PITPNM2: variants seen among roughly 807,000 people sequenced by gnomAD.
The protein encoded by PITPNM2 is phosphatidylinositol transfer protein membrane associated 2, also known as membrane-associated phosphatidylinositol transfer protein 2.
A neutral mutation model predicts 132.2 loss-of-function variants in PITPNM2; 35 were observed. The ratio of observed to expected loss-of-function variants is 0.26; its 90% CI spans 0.20 to 0.35. The LOEUF is 0.35. Among genes scored for constraint, PITPNM2 ranks in the 10% least tolerant of loss-of-function variants. The probability of loss-of-function intolerance (pLI) is 1.00; values close to 1 mark genes in which losing one functional copy is unlikely to be tolerated. For missense variants in PITPNM2, 1,332 were observed against 1,912.0 expected (o/e 0.70, Z 5.66); for synonymous variants, 738 against 799.2 (o/e 0.92, Z 1.29).
intron 3 of PITPNM2, among the ~76,000 whole-genome samples, chr12:123,018,293 CTTTTTTTTT>C (rs3085478): frequency 2.4e-5 from 3 of 126,328 alleles, no homozygotes; most frequent in East Asian, 2.2e-4. Flanking sequence ...TTTTTCTTTT[CTTTTTTTTT>C]TTTTTTTTTT....
intron 4 of PITPNM2, 107 bp downstream of exon 4, chr12:123,013,721 G>T: frequency 7.8e-7 from 1 of 1,283,580 alleles, no homozygotes; most frequent in Non-Finnish European, 1.1e-6. Context: ...ATGGGTTGTT[G>T]AACCTGCTTG....
At chr12:123,133,521 T>C (rs2043308925) in intron 1 of PITPNM2, among the ~76,000 whole-genome samples, 1 of 152,180 alleles carries the variant, frequency 6.6e-6, no homozygotes, top group Admixed American at 6.5e-5. Context: ...GTGAATCTGA[T>C]GCCAATGGAA....
At chr12:123,018,052 C>T (rs1434772011) in intron 3 of PITPNM2, among the ~76,000 whole-genome samples, 3 of 137,480 alleles carry the variant, frequency 2.2e-5, no homozygotes, top group South Asian at 2.4e-4. Flanking sequence ...CCCTCCCTCC[C>T]TCTTTTCTCT....
chr12:122,994,916 C>A lies in PITPNM2; in HGVS notation c.2118G>T (p.Leu706=), dbSNP rs1216603809. 6.2e-7 allele frequency: 1 copy of A among 1,612,036 alleles called. No individual in the cohort carries two copies. Among genetic ancestry groups the A allele is most frequent in the Admixed American group, 1.7e-5 (1 of 59,972 alleles). The change falls in exon 15 of 26, where the codon CTG becomes CTT. Residue 706 remains leucine (L), a synonymous_variant. Coordinates refer to ENST00000320201, the MANE Select transcript of PITPNM2 (RefSeq NM_020845.3). The surrounding 1 kb of genome is among the most constrained non-coding windows in gnomAD (Gnocchi z 5.4). ...ACCTGCCCAGGGCACCTGTGCCATCCAGCATGGTGGAGCTGCTGGAATGGC... is the reference window on the plus strand; with the variant it reads ...ACCTGCCCAGGGCACCTGTGCCATCAAGCATGGTGGAGCTGCTGGAATGGC... ...CSRHSSSSTM[L]DGTGALGRFD...
rs766548511 is a variant in PITPNM2 at position 122,995,504 on chromosome 12, C to T, written c.1939G>A (p.Asp647Asn). Residue 647 changes from aspartate (D) to asparagine (N), a missense_variant, in exon 14 of 26, where the codon GAC (aspartate) becomes AAC (asparagine). Coordinates refer to ENST00000320201, the MANE Select transcript of PITPNM2 (RefSeq NM_020845.3). ...TCAGTGCCGTTGCTGCGGGGGATGT[C>T]GACGTTGCTTCGGCTCAGGTGCCGA... ...SSRHLSRSNV[D>N]IPRSNGTEDP... is the part of the protein sequence containing the mutation. 11 of 1,613,636 alleles carry T rather than the reference C, an allele frequency of 6.8e-6. No homozygotes were observed. The highest frequency in any genetic ancestry group is 3.3e-5 in the Admixed American group (2 of 60,030).
chr12:123,136,890 C>T (rs1456678015), intron 1 of PITPNM2, among the ~76,000 whole-genome samples: 1 of 152,094 alleles, frequency 6.6e-6, no homozygotes, highest in Non-Finnish European at 1.5e-5. Flanking sequence ...GAGACTCCGT[C>T]TCAAAAAAAA....
At chr12:123,030,509 T>C (rs991506800) in intron 3 of PITPNM2, among the ~76,000 whole-genome samples, 8 of 152,068 alleles carry the variant, frequency 5.3e-5, no homozygotes, top group Admixed American at 2.0e-4. Context: ...CTGGCTAACA[T>C]GGTGAAACCC....
At chr12:123,115,539 C>CGCACACACACA (rs2042920182) in intron 1 of PITPNM2, among the ~76,000 whole-genome samples, 1 of 151,934 alleles carries the variant, frequency 6.6e-6, no homozygotes, top group African/African-American at 2.4e-5. Context: ...CAATACGCGC[C>CGCACACACACA]CGCACACACA....
rs1393729273 is a variant in PITPNM2 at position 123,095,574 on chromosome 12, G to A, written c.-96+14811C>T. 6.6e-6 allele frequency among the ~76,000 whole-genome samples: 1 copy of A among 151,936 alleles called. No homozygotes were observed. Among genetic ancestry groups the A allele is most frequent in the African/African-American group, 2.4e-5 (1 of 41,340 alleles). ...CGAAGTGTCTTCCAATACACACATC[G>A]GAGTGTGTCACTTCTCTGAGTAAAG... is the stretch of plus-strand genomic sequence containing the variant. On this transcript the variant is annotated intron_variant, in intron 2 of 25. Coordinates refer to ENST00000320201, the MANE Select transcript of PITPNM2 (RefSeq NM_020845.3). The surrounding 1 kb of genome is among the most constrained non-coding windows in gnomAD (Gnocchi z 5.0).
At chr12:123,080,374 C>T (rs1193177303) in intron 2 of PITPNM2, among the ~76,000 whole-genome samples, 1 of 152,208 alleles carries the variant, frequency 6.6e-6, no homozygotes, top group African/African-American at 2.4e-5. Context: ...CAGGGTCATG[C>T]CACTGTGCTC....
At chr12:123,089,295 C>T (rs1449092811) in intron 2 of PITPNM2, 2 of 152,154 alleles carry the variant, frequency 1.3e-5, no homozygotes, top group Non-Finnish European at 2.9e-5. Flanking sequence ...AACTTTGCCT[C>T]AAAATTAGCG....
intron 2 of PITPNM2, among the ~76,000 whole-genome samples, chr12:123,041,155 G>A (rs1039471816): frequency 6.6e-6 from 1 of 152,184 alleles, no homozygotes; most frequent in African/African-American, 2.4e-5. Context: ...TTTGTCTTCT[G>A]GGGGTAAGAA....
chr12:123,079,930 C>G (rs1461538584), intron 2 of PITPNM2, among the ~76,000 whole-genome samples: 1 of 152,214 alleles, frequency 6.6e-6, no homozygotes, highest in Non-Finnish European at 1.5e-5. Flanking sequence ...CTCCAGTCCC[C>G]TCTCCCCCAG....
Position 123,081,741 on chromosome 12 carries a change from G to A in PITPNM2, c.-96+28644C>T, listed in dbSNP as rs2041970578. On this transcript the variant is annotated intron_variant, in intron 2 of 25. Coordinates refer to ENST00000320201, the MANE Select transcript of PITPNM2 (RefSeq NM_020845.3). ...GAGAGGTGTCTCGGGAGCAGACCCAGGGGAAGGGGGCACTGTGCACTCTTG... is the reference window on the plus strand; with the variant it reads ...GAGAGGTGTCTCGGGAGCAGACCCAAGGGAAGGGGGCACTGTGCACTCTTG... The A allele has an allele frequency of 2.0e-5, 3 of 152,368 alleles. No individual in the cohort carries two copies. The South Asian group carries it at 6.2e-4, about 32-fold the overall frequency. 9.4% of individuals were successfully genotyped at this position (152,368 alleles called of 1,614,324 possible).
intron 23 of PITPNM2, 134 bp from the exon 24 acceptor site, chr12:122,986,963 G>A: frequency 8.3e-7 from 1 of 1,203,638 alleles, no homozygotes; most frequent in East Asian, 2.6e-5. Flanking sequence ...GACGACAATG[G>A]TTGACAATGA....
At chr12:122,995,927 C>G (rs1160372670) in intron 13 of PITPNM2, among the ~76,000 whole-genome samples, 1 of 152,220 alleles carries the variant, frequency 6.6e-6, no homozygotes, top group Non-Finnish European at 1.5e-5. Flanking sequence ...CTCCTAGGAA[C>G]CAGACCCCAC....
chr12:123,141,276 C>G (rs915417824), intron 1 of PITPNM2, among the ~76,000 whole-genome samples: 2 of 152,222 alleles, frequency 1.3e-5, no homozygotes, highest in African/African-American at 4.8e-5. Context: ...AAAATGGGCA[C>G]AGCAACATTT....
chr12:123,001,184 G>A (rs2038655036), intron 8 of PITPNM2, 26 bp from the exon 9 acceptor site: 2 of 1,589,064 alleles, frequency 1.3e-6, no homozygotes, highest in East Asian at 2.2e-5. Context: ...GGAAACTCAG[G>A]TGGGACTGGG....
At chr12:123,076,999 G>A (rs1457309272) in intron 2 of PITPNM2, among the ~76,000 whole-genome samples, 1 of 152,152 alleles carries the variant, frequency 6.6e-6, no homozygotes, top group African/African-American at 2.4e-5. Context: ...CCCGGGCTGC[G>A]CTGCTGAGGG....
Sources: allele counts gnomAD v4.1 joint callset (sites outside exome capture counted in the v4.1 genomes callset), GRCh38; gene constraint gnomAD v4.1.1; non-coding constraint Gnocchi (gnomAD v3.1); transcripts MANE v1.5; gene names NCBI Gene and HGNC (gene_info 2026-07-23, HGNC 2026-07-21).